The following IMPG1 variants were observed in gnomAD, a reference collection of about 807,000 sequenced individuals.
IMPG1 encodes interphotoreceptor matrix proteoglycan of 150 kDa.
In IMPG1, 85 loss-of-function variants were observed where a neutral mutation model predicts 92.0. That is an observed-to-expected ratio of 0.92 (90% confidence interval 0.78 to 1.11). The LOEUF is 1.11. IMPG1 is among the 50% of genes least tolerant of loss of function. The pLI, the probability that IMPG1 is intolerant of heterozygous loss-of-function variation, is 0.00. For synonymous variants in IMPG1, 367 were observed against 334.1 expected (o/e 1.10, Z -1.08); for missense variants, 1,022 against 956.0 (o/e 1.07, Z -0.91).
At chr6:75,922,507 A>C (rs1781447217) in intron 16 of IMPG1, among the ~76,000 whole-genome samples, 1 of 152,162 alleles carries the variant, frequency 6.6e-6, no homozygotes, top group Non-Finnish European at 1.5e-5. Flanking sequence ...TGTCCTCTGA[A>C]TGTCTGTCAA....
chr6:75,929,563 G>T (rs1034833777), intron 15 of IMPG1, among the ~76,000 whole-genome samples: 2 of 119,572 alleles, frequency 1.7e-5, no homozygotes, highest in East Asian at 3.1e-4. Context: ...GTGGGGGGAG[G>T]GGGGAGGGAT....
At chr6:76,019,496 C>T (rs1783378109) in intron 6 of IMPG1, among the ~76,000 whole-genome samples, 1 of 152,092 alleles carries the variant, frequency 6.6e-6, no homozygotes, top group Admixed American at 6.6e-5. Flanking sequence ...TGGAAATTGC[C>T]CTGAGGGACA....
chr6:75,934,999 A>C lies in IMPG1; in HGVS notation c.2045-3848T>G, dbSNP rs150297144. ...AAGGTTTCAGCTCAGCTTGCCTATA[A>C]AATTCAGGCTTCACCTGGGCTGGCT... On this transcript the variant is annotated intron_variant, in intron 14 of 16. Transcript: ENST00000369950. 145 of 471,224 alleles carry C rather than the reference A, an allele frequency of 3.1e-4. No individual in the cohort carries two copies. The East Asian group carries it at 7.6e-3, about 25-fold the overall frequency. 29.2% of individuals were successfully genotyped at this position (471,224 alleles called of 1,614,324 possible). A position where few individuals can be genotyped will look rare whatever the true frequency, so the allele number is the denominator to read the frequency against.
At chr6:75,924,642 TAATTA>T (rs1781504587) in intron 15 of IMPG1, among the ~76,000 whole-genome samples, 1 of 10,624 alleles carries the variant, frequency 9.4e-5, no homozygotes, top group Non-Finnish European at 1.5e-4. Flanking sequence ...ATATTATATA[TAATTA>T]ATTATATATA....
At chr6:76,009,470 G>A (rs534401077) in intron 8 of IMPG1, among the ~76,000 whole-genome samples, 3 of 152,232 alleles carry the variant, frequency 2.0e-5, no homozygotes, top group South Asian at 4.1e-4. Flanking sequence ...CCACAAAAAA[G>A]CAATTTCCTT....
Position 75,959,427 on chromosome 6 carries a change from C to T in IMPG1, c.1292-8333G>A, listed in dbSNP as rs146648563. 4.8e-4 allele frequency among the ~76,000 whole-genome samples: 73 copies of T among 152,290 alleles called. 1 individual carries two copies. Among genetic ancestry groups the T allele is most frequent in the African/African-American group, 1.3e-3 (54 of 41,570 alleles). ...GGAGATCTGCTGCTCTCTTCAGAGC[C>T]GGCAGGCAGAAACGTTTAAGTCTGC... is the stretch of plus-strand genomic sequence containing the variant. On this transcript the variant is annotated intron_variant, in intron 12 of 16. Coordinates refer to ENST00000369950, the MANE Select transcript of IMPG1 (RefSeq NM_001563.4).
rs368225044 is a variant in IMPG1 at position 75,960,178 on chromosome 6, G to T, written c.1292-9084C>A. 4.6e-5 allele frequency among the ~76,000 whole-genome samples: 7 copies of T among 152,220 alleles called. No homozygotes were observed. The East Asian group carries it at 5.8e-4, about 13-fold the overall frequency. On this transcript the variant is annotated intron_variant, in intron 12 of 16. Transcript: ENST00000369950. ...TGATGCCCCACCCCACCCTGCTTCA[G>T]CTCACCCTCCGTGGGCTGCACCCAC...
At chr6:76,019,535 G>A (rs903461103) in intron 6 of IMPG1, among the ~76,000 whole-genome samples, 1 of 152,206 alleles carries the variant, frequency 6.6e-6, no homozygotes, top group African/African-American at 2.4e-5. Flanking sequence ...GGTAGCATAT[G>A]TATTTCCTCC....
chr6:75,974,039 T>C (rs1025471067), intron 12 of IMPG1, among the ~76,000 whole-genome samples: 1 of 152,192 alleles, frequency 6.6e-6, no homozygotes, highest in Non-Finnish European at 1.5e-5. Context: ...ATCAAACATG[T>C]GAATGTTAGA....
In IMPG1 at chr6:76,015,800, CAAAAAAAAA is replaced by C. The variant is rs35389302; in HGVS notation, c.807+2909_807+2917del. Among the ~76,000 whole-genome samples the C allele has an allele frequency of 0.01, 700 of 66,768 alleles. 30 individuals are homozygous for C. The East Asian group carries it at 0.16, about 15-fold the overall frequency. The allele number at this position is 66,768 out of a possible 152,430, so 43.8% of individuals were successfully genotyped here. ...GGGCAACAAGAGTTAAACTCTGTCT[CAAAAAAAAA>C]AAAAAAAAAAAAAAAGAAAGAAAAA... On this transcript the variant is annotated intron_variant, in intron 7 of 16. Coordinates refer to ENST00000369950, the MANE Select transcript of IMPG1 (RefSeq NM_001563.4).
In IMPG1 at chr6:76,034,608, T is replaced by C; in HGVS notation, c.468+13A>G. The C allele has an allele frequency of 1.2e-6, 2 of 1,613,618 alleles. No homozygotes were observed. Among genetic ancestry groups the C allele is most frequent in the Non-Finnish European group, 1.7e-6 (2 of 1,179,638 alleles). ...TGCAGTGTTCCAAATAACCATGTGG[T>C]GTTTAGGCTCACCTGCTGGAGAAGA... On this transcript the variant is annotated intron_variant, in intron 3 of 16. Coordinates refer to ENST00000369950, the MANE Select transcript of IMPG1 (RefSeq NM_001563.4).
At chr6:75,947,149 T>C (rs765837845) in intron 14 of IMPG1, among the ~76,000 whole-genome samples, 165 bp downstream of exon 14, 10 of 152,250 alleles carry the variant, frequency 6.6e-5, no homozygotes, top group Middle Eastern at 3.2e-3. Context: ...CTTTGGACTC[T>C]ACCTTTCTAA....
At chr6:76,048,823 C>A (rs926880657) in intron 1 of IMPG1, among the ~76,000 whole-genome samples, 1 of 152,148 alleles carries the variant, frequency 6.6e-6, no homozygotes, top group South Asian at 2.1e-4. Flanking sequence ...ACCATTTGAC[C>A]ATTTGACCCA....
intron 4 of IMPG1, among the ~76,000 whole-genome samples, chr6:76,031,782 G>C (rs1783656527): frequency 1.3e-5 from 2 of 152,192 alleles, no homozygotes; most frequent in Non-Finnish European, 2.9e-5. Flanking sequence ...TAACCAAGAA[G>C]AATAGTTAGT....
At chr6:76,022,560 GA>G (rs1357082582) in intron 5 of IMPG1, among the ~76,000 whole-genome samples, 1 of 152,138 alleles carries the variant, frequency 6.6e-6, no homozygotes, top group African/African-American at 2.4e-5. Context: ...TTGCTCTTCT[GA>G]GGGTTTTCTT....
chr6:75,925,972 ATTTAT>A (rs1246926681), intron 15 of IMPG1, among the ~76,000 whole-genome samples: 1 of 151,994 alleles, frequency 6.6e-6, no homozygotes, highest in African/African-American at 2.4e-5. Flanking sequence ...GCCTGTATTT[ATTTAT>A]TTGTTTAAAG....
At chr6:75,924,714 A>T (rs1427738995) in intron 15 of IMPG1, among the ~76,000 whole-genome samples, 13 of 10,188 alleles carry the variant, frequency 1.3e-3, no homozygotes, top group East Asian at 4.6e-3. Flanking sequence ...ATAATATATA[A>T]TATATAATAT....
At chr6:75,967,710 T>C (rs985990403) in intron 12 of IMPG1, among the ~76,000 whole-genome samples, 4 of 152,168 alleles carry the variant, frequency 2.6e-5, no homozygotes, top group Non-Finnish European at 4.4e-5. Context: ...GGGTATCTAG[T>C]TAGAAAAAGG....
At chr6:75,974,962 A>G (rs576421839) in intron 12 of IMPG1, among the ~76,000 whole-genome samples, 2 of 152,392 alleles carry the variant, frequency 1.3e-5, no homozygotes, top group East Asian at 1.9e-4. Flanking sequence ...GAAATGCAGT[A>G]TAAGTAGGCT....
Sources: allele counts gnomAD v4.1 joint callset (sites outside exome capture counted in the v4.1 genomes callset), GRCh38; gene constraint gnomAD v4.1.1; transcripts MANE v1.5; gene names NCBI Gene and HGNC (gene_info 2026-07-23, HGNC 2026-07-21).